The following VSIR variants were observed in gnomAD, a reference collection of about 807,000 sequenced individuals.
VSIR encodes V-type immunoglobulin domain-containing suppressor of T-cell activation.
Under a neutral mutation model 31.0 loss-of-function variants are expected in VSIR, and 10 were observed. The ratio of observed to expected loss-of-function variants is 0.32; its 90% CI spans 0.20 to 0.55. The LOEUF (loss-of-function observed/expected upper bound fraction) is 0.55. Among genes scored for constraint, VSIR ranks in the 20% least tolerant of loss-of-function variants. The probability of loss-of-function intolerance (pLI) is 0.93; values close to 1 mark genes in which losing one functional copy is unlikely to be tolerated. For synonymous variants in VSIR, 179 were observed against 180.1 expected (o/e 0.99, Z 0.05); for missense variants, 356 against 416.2 (o/e 0.86, Z 1.26).
intron 1 of VSIR, among the ~76,000 whole-genome samples, chr10:71,769,306 G>A (rs978551325): frequency 7.2e-5 from 11 of 152,002 alleles, no homozygotes; most frequent in Non-Finnish European, 1.2e-4. Flanking sequence ...TTCAGACTCC[G>A]AGCCTTCCCA....
At chr10:71,755,286 C>T in intron 4 of VSIR, 73 bp downstream of exon 4, 2 of 1,375,496 alleles carry the variant, frequency 1.5e-6, no homozygotes, top group East Asian at 4.9e-5. Flanking sequence ...TTTGCGAATC[C>T]CAGGGGCTGA....
chr10:71,753,772 G>A, intron 4 of VSIR: 4 of 456,458 alleles, frequency 8.8e-6, no homozygotes, highest in Non-Finnish European at 8.8e-6. Flanking sequence ...TGGGGAAACA[G>A]ATGGTGGGGG....
chr10:71,766,353 C>A (rs577707736), intron 1 of VSIR, among the ~76,000 whole-genome samples: 184 of 152,190 alleles, frequency 1.2e-3, no homozygotes, highest in African/African-American at 4.3e-3. Flanking sequence ...AAGACCCAGG[C>A]CCCCCGCCCG....
chr10:71,754,314 A>AG (rs58622083), intron 4 of VSIR, among the ~76,000 whole-genome samples: 14,897 of 152,158 alleles, frequency 0.098, 851 homozygotes, highest in South Asian at 0.22. Context: ...GTGACCCACT[A>AG]TGGGGCTTCA....
Position 71,773,474 on chromosome 10 carries a change from C to T in VSIR, c.-35G>A, listed in dbSNP as rs368368184. ...GGACGCGCAGAGGAACTTCTGGTGC[C>T]GGGGAGCGGGCGGGACGCGGCCGGC... On this transcript the variant is annotated 5_prime_UTR_variant, in exon 1 of 7. Transcript: ENST00000394957. 4 of 1,562,032 alleles carry T rather than the reference C, an allele frequency of 2.6e-6. No individual in the cohort carries two copies. Among genetic ancestry groups the T allele is most frequent in the Non-Finnish European group, 3.5e-6 (4 of 1,151,884 alleles).
At chr10:71,765,356 C>A (rs1007613700) in intron 1 of VSIR, among the ~76,000 whole-genome samples, 2 of 152,212 alleles carry the variant, frequency 1.3e-5, no homozygotes, top group East Asian at 3.9e-4. Context: ...GGGCTGCAGG[C>A]CAGAGGAGGG....
At chr10:71,755,487 C>T in intron 3 of VSIR, 21 bp from the exon 4 acceptor site, 1 of 1,595,228 alleles carries the variant, frequency 6.3e-7, no homozygotes, top group Non-Finnish European at 8.6e-7. Flanking sequence ...AGAGAGGTAG[C>T]CAAGGTGAAG....
intron 5 of VSIR, chr10:71,752,109 C>G: frequency 1.5e-6 from 1 of 666,132 alleles, no homozygotes; most frequent in Non-Finnish European, 2.7e-6. Flanking sequence ...TCCCTGTGGT[C>G]TGACCATCAA....
intron 1 of VSIR, among the ~76,000 whole-genome samples, chr10:71,764,033 A>G (rs1247248966): frequency 6.6e-6 from 1 of 152,210 alleles, no homozygotes; most frequent in Non-Finnish European, 1.5e-5. Context: ...TGTCAGGGTG[A>G]GCAGAGATTT....
chr10:71,772,920 C>CG (rs1434773851), intron 1 of VSIR, among the ~76,000 whole-genome samples: 2 of 152,330 alleles, frequency 1.3e-5, no homozygotes, highest in East Asian at 3.9e-4. Context: ...GAGCATACCA[C>CG]GCCCTCTGTG....
intron 1 of VSIR, among the ~76,000 whole-genome samples, chr10:71,768,948 G>A (rs1194873214): frequency 6.6e-6 from 1 of 152,172 alleles, no homozygotes; most frequent in Non-Finnish European, 1.5e-5. Context: ...CTGAACCCAG[G>A]TAGTCAGCCT....
intron 3 of VSIR, 65 bp from the exon 4 acceptor site, chr10:71,755,531 G>C: frequency 7.0e-7 from 1 of 1,428,858 alleles, no homozygotes; most frequent in Non-Finnish European, 9.6e-7. Flanking sequence ...AGCATAAACT[G>C]AGGCTCAGAG....
intron 1 of VSIR, among the ~76,000 whole-genome samples, chr10:71,764,090 C>CA (rs1369624110): frequency 6.6e-6 from 1 of 152,166 alleles, no homozygotes; most frequent in Non-Finnish European, 1.5e-5. Flanking sequence ...GGCAGAAACA[C>CA]AGAGACCCAG....
intron 3 of VSIR, among the ~76,000 whole-genome samples, chr10:71,759,818 TATACAC>T (rs1375303897): frequency 2.0e-5 from 1 of 50,788 alleles, no homozygotes; most frequent in Non-Finnish European, 4.3e-5. Flanking sequence ...TTTCAGAAAA[TATACAC>T]ACACACACAC....
intron 3 of VSIR, among the ~76,000 whole-genome samples, chr10:71,756,700 C>T (rs1168376178): frequency 6.6e-6 from 1 of 152,184 alleles, no homozygotes; most frequent in Non-Finnish European, 1.5e-5. Context: ...CCACAACCAA[C>T]ATAAACGCAT....
At chr10:71,773,214 A>T in intron 1 of VSIR, 144 bp downstream of exon 1, 1 of 977,752 alleles carries the variant, frequency 1.0e-6, no homozygotes, top group South Asian at 1.7e-5. Flanking sequence ...TAGGGGTCCC[A>T]GCAGCCTCTG....
At chr10:71,765,306 T>C (rs773934355) in intron 1 of VSIR, among the ~76,000 whole-genome samples, 1 of 152,156 alleles carries the variant, frequency 6.6e-6, no homozygotes, top group African/African-American at 2.4e-5. Context: ...CCAGCACACA[T>C]ACCTTGGGGG....
intron 4 of VSIR, chr10:71,753,889 A>G (rs1463008639): frequency 1.5e-5 from 7 of 456,304 alleles, no homozygotes; most frequent in Non-Finnish European, 2.2e-5. Flanking sequence ...GGCTTCGTGC[A>G]GGTGCACACG....
intron 3 of VSIR, among the ~76,000 whole-genome samples, chr10:71,756,114 C>T (rs1474871685): frequency 2.6e-5 from 4 of 152,100 alleles, no homozygotes; most frequent in Non-Finnish European, 5.9e-5. Context: ...AACGTGAATC[C>T]TTGTACAATG....
Sources: allele counts gnomAD v4.1 joint callset (sites outside exome capture counted in the v4.1 genomes callset), GRCh38; gene constraint gnomAD v4.1.1; transcripts MANE v1.5; gene names NCBI Gene and HGNC (gene_info 2026-07-23, HGNC 2026-07-21).